Variants in GREM2 observed in about 807,000 individuals in gnomAD.
GREM2 encodes gremlin 2, DAN family BMP antagonist, also known as gremlin-2.
In GREM2, 11 loss-of-function variants were observed where a neutral mutation model predicts 14.2. That is an observed-to-expected ratio of 0.78 (90% CI 0.49 to 1.28). GREM2 has a LOEUF of 1.28. Among genes scored for constraint, GREM2 ranks in the 50% most tolerant of loss-of-function variants. The pLI, the probability that GREM2 is intolerant of heterozygous loss-of-function variation, is 0.00. For missense variants in GREM2, 210 were observed against 218.5 expected (o/e 0.96, Z 0.24); for synonymous variants, 98 against 97.6 (o/e 1.00, Z -0.02).
At chr1:240,529,434 C>T (rs983604102) in intron 1 of GREM2, among the ~76,000 whole-genome samples, 1 of 152,112 alleles carries the variant, frequency 6.6e-6, no homozygotes, top group African/African-American at 2.4e-5. Flanking sequence ...TTGTCATTCT[C>T]ATGACCCCAG....
chr1:240,575,288 C>G (rs1482953724), intron 1 of GREM2, among the ~76,000 whole-genome samples: 1 of 151,790 alleles, frequency 6.6e-6, no homozygotes, highest in East Asian at 1.9e-4. Context: ...TCTACCTCCT[C>G]TTTTATCTTT....
chr1:240,544,600 G>A (rs1678676088), intron 1 of GREM2, among the ~76,000 whole-genome samples: 1 of 152,136 alleles, frequency 6.6e-6, no homozygotes, highest in African/African-American at 2.4e-5. Context: ...TATCAATCAA[G>A]GCTATGTGAT....
At chr1:240,521,330 A>G (rs75874406) in intron 1 of GREM2, among the ~76,000 whole-genome samples, 16,737 of 152,132 alleles carry the variant, frequency 0.11, 1,052 homozygotes, top group Middle Eastern at 0.17. Flanking sequence ...GCACTTTAGC[A>G]GGCCGAAGTG....
chr1:240,537,629 A>G (rs1678501813), intron 1 of GREM2, among the ~76,000 whole-genome samples: 1 of 152,138 alleles, frequency 6.6e-6, no homozygotes. Context: ...TACTAAAAAT[A>G]CAAAAGTTAG....
In GREM2 at chr1:240,520,104, A is replaced by AAATAG. The variant is rs1469783893; in HGVS notation, c.-1-26629_-1-26628insCTATT. On this transcript the variant is annotated intron_variant, in intron 1 of 1. Coordinates refer to ENST00000318160, the MANE Select transcript of GREM2 (RefSeq NM_022469.4). ...CCAAAAAATAAAATAAAATAAAATAAAATAAAATAAAATAGTCATCAAAAC... is the reference window on the plus strand; with the variant it reads ...CCAAAAAATAAAATAAAATAAAATAAAATAGAATAAAATAAAATAGTCATCAAAAC... 2.0e-5 allele frequency among the ~76,000 whole-genome samples: 3 copies of AAATAG among 152,170 alleles called. No homozygotes were observed. In the East Asian group the frequency reaches 5.8e-4, roughly 29 times the overall value.
chr1:240,591,644 T>C (rs1388639381), intron 1 of GREM2, among the ~76,000 whole-genome samples: 1 of 152,188 alleles, frequency 6.6e-6, no homozygotes, highest in East Asian at 1.9e-4. Flanking sequence ...ATTTTCCTAA[T>C]GATCTGGAAA....
intron 1 of GREM2, among the ~76,000 whole-genome samples, chr1:240,515,541 C>T (rs1390215957): frequency 1.3e-5 from 2 of 152,134 alleles, no homozygotes; most frequent in Non-Finnish European, 2.9e-5. Context: ...CTCATTTACT[C>T]ATTTCCTTTC....
rs201492063 is a variant in GREM2, at chr1:240,493,238, G to C, written c.238C>G (p.Gln80Glu). 6 of 1,614,040 alleles carry C rather than the reference G, an allele frequency of 3.7e-6. No homozygotes were observed. Among genetic ancestry groups the C allele is most frequent in the Non-Finnish European group, 5.1e-6 (6 of 1,180,040 alleles). The part of the protein sequence containing the change: ...SDWCKTQPLR[Q>E]TVSEEGCRSR... ...CGGCAGCCCTCCTCGCTCACCGTCT[G>C]CCGCAGCGGCTGCGTCTTGCACCAG... Residue 80 changes from glutamine (Q) to glutamate (E), a missense_variant, in exon 2 of 2, where the codon CAG becomes GAG. Coordinates refer to ENST00000318160, the MANE Select transcript of GREM2 (RefSeq NM_022469.4).
intron 1 of GREM2, among the ~76,000 whole-genome samples, chr1:240,511,619 G>A (rs907128529): frequency 6.6e-6 from 1 of 152,154 alleles, no homozygotes; most frequent in African/African-American, 2.4e-5. Flanking sequence ...CGGGTGTGGT[G>A]GTGGGCGCCT....
chr1:240,572,944 C>T (rs1216530100), intron 1 of GREM2, among the ~76,000 whole-genome samples: 1 of 152,046 alleles, frequency 6.6e-6, no homozygotes, highest in Non-Finnish European at 1.5e-5. Context: ...GAATAATAAA[C>T]TCTTTAATTT....
chr1:240,502,502 TA>T (rs2103279109), intron 1 of GREM2, among the ~76,000 whole-genome samples: 1 of 152,300 alleles, frequency 6.6e-6, no homozygotes, highest in South Asian at 2.1e-4. Context: ...ACATTTCTAC[TA>T]AGAATTTCAT....
chr1:240,532,618 A>G (rs1051751910), intron 1 of GREM2, among the ~76,000 whole-genome samples: 1 of 151,778 alleles, frequency 6.6e-6, no homozygotes, highest in Non-Finnish European at 1.5e-5. Flanking sequence ...TACTGGAATA[A>G]CCACTTTATA....
chr1:240,547,532 T>TATATATATATATATAGACAGATAGATAG lies in GREM2; in HGVS notation c.-1-54057_-1-54056insCTATCTATCTGTCTATATATATATATAT, dbSNP rs1187770486. ...AAAAAAAAATATATATATATATATA[T>TATATATATATATATAGACAGATAGATAG]ATAGATAGATAGATAGATAGATAGA... is the stretch of plus-strand genomic sequence containing the variant. On this transcript the variant is annotated intron_variant, in intron 1 of 1. Coordinates refer to ENST00000318160, the MANE Select transcript of GREM2 (RefSeq NM_022469.4). 8.6e-4 allele frequency among the ~76,000 whole-genome samples: 105 copies of TATATATATATATATAGACAGATAGATAG among 121,832 alleles called. 2 individuals are homozygous for TATATATATATATATAGACAGATAGATAG. The highest frequency in any genetic ancestry group is 3.3e-3 in the African/African-American group (89 of 27,050). The allele number at this position is 121,832 out of a possible 152,430, so 79.9% of individuals were successfully genotyped here.
At chr1:240,565,803 A>G (rs1375649257) in intron 1 of GREM2, among the ~76,000 whole-genome samples, 5 of 149,528 alleles carry the variant, frequency 3.3e-5, no homozygotes, top group Non-Finnish European at 7.4e-5. Context: ...CCAAGATCGC[A>G]CCACTGCACT....
At chr1:240,586,004 A>G (rs918729149) in intron 1 of GREM2, among the ~76,000 whole-genome samples, 8 of 151,776 alleles carry the variant, frequency 5.3e-5, no homozygotes, top group East Asian at 3.9e-4. Flanking sequence ...GAATCTTACT[A>G]TATTTAATTC....
chr1:240,522,684 T>G (rs1558148290), intron 1 of GREM2, among the ~76,000 whole-genome samples: 1 of 152,194 alleles, frequency 6.6e-6, no homozygotes, highest in African/African-American at 2.4e-5. Flanking sequence ...CTCTGGTGTT[T>G]GCTAAGACTA....
At chr1:240,523,505 A>C (rs1678150409) in intron 1 of GREM2, among the ~76,000 whole-genome samples, 1 of 151,890 alleles carries the variant, frequency 6.6e-6, no homozygotes, top group African/African-American at 2.4e-5. Flanking sequence ...TAACAATATA[A>C]CTAAAGAAAA....
chr1:240,534,989 G>T (rs1678445658), intron 1 of GREM2, among the ~76,000 whole-genome samples: 1 of 152,146 alleles, frequency 6.6e-6, no homozygotes, highest in Admixed American at 6.5e-5. Flanking sequence ...GTCTGTTTCT[G>T]TATGTTGATC....
chr1:240,564,675 G>A (rs1340530743), intron 1 of GREM2, among the ~76,000 whole-genome samples: 1 of 152,128 alleles, frequency 6.6e-6, no homozygotes, highest in African/African-American at 2.4e-5. Context: ...AGGGACCCCA[G>A]GGCCTGACAA....
Sources: allele counts gnomAD v4.1 joint callset (sites outside exome capture counted in the v4.1 genomes callset), GRCh38; gene constraint gnomAD v4.1.1; transcripts MANE v1.5; gene names NCBI Gene and HGNC (gene_info 2026-07-23, HGNC 2026-07-21).